RAB31: variants seen among roughly 807,000 people sequenced by gnomAD.
RAB31 encodes RAB31, member RAS oncogene family.
A neutral mutation model predicts 25.6 loss-of-function variants in RAB31; 21 were observed. The ratio of observed to expected loss-of-function variants is 0.82; its 90% confidence interval spans 0.58 to 1.18. The LOEUF (loss-of-function observed/expected upper bound fraction) is 1.18, where lower values mean the gene tolerates loss of function less well. Among genes scored for constraint, RAB31 ranks in the 50% most tolerant of loss-of-function variants. The pLI, the probability that RAB31 is intolerant of heterozygous loss-of-function variation, is 0.00. For missense variants in RAB31, 196 were observed against 250.1 expected, an observed-to-expected ratio of 0.78 and a Z score of 1.46; for synonymous variants, 87 against 84.0, an observed-to-expected ratio of 1.04 and a Z score of -0.20.
At chr18:9,790,701 G>C (rs1189444752) in intron 2 of RAB31, among the ~76,000 whole-genome samples, 1 of 152,126 alleles carries the variant, frequency 6.6e-6, no homozygotes, top group African/African-American at 2.4e-5. Context: ...AAGCATTCAG[G>C]CCAGCTTGTC....
rs1306087067 is a variant in RAB31 at position 9,837,178 on chromosome 18, CATG to C, written c.381-8402_381-8400del. 2.6e-5 allele frequency among the ~76,000 whole-genome samples: 4 copies of C among 152,044 alleles called. No individual in the cohort carries two copies. The East Asian group carries it at 7.7e-4, about 29-fold the overall frequency. ...TCAGTATGTGAGGAACGGGGGAAAA[CATG>C]AGAAGTGTCAGTTTGAGGAACGGTG... On this transcript the variant is annotated intron_variant, in intron 5 of 6. Coordinates refer to ENST00000578921, the MANE Select transcript of RAB31 (RefSeq NM_006868.4).
intron 1 of RAB31, among the ~76,000 whole-genome samples, chr18:9,765,960 G>A (rs2068313889): frequency 6.6e-6 from 1 of 151,888 alleles, no homozygotes; most frequent in African/African-American, 2.4e-5. Context: ...AGGGGGTGGG[G>A]GAGAGTGGGT....
intron 3 of RAB31, among the ~76,000 whole-genome samples, chr18:9,798,823 C>T (rs1322533406): frequency 1.3e-5 from 2 of 151,812 alleles, no homozygotes; most frequent in African/African-American, 2.4e-5. Context: ...GACACAGTTG[C>T]TCACGCCTGT....
At chr18:9,741,163 G>A (rs146831064) in intron 1 of RAB31, among the ~76,000 whole-genome samples, 48 of 152,008 alleles carry the variant, frequency 3.2e-4, no homozygotes, top group Middle Eastern at 3.4e-3. Flanking sequence ...ATCACTTGAG[G>A]TCAGGAGTTC....
At chr18:9,730,490 G>T (rs542782445) in intron 1 of RAB31, among the ~76,000 whole-genome samples, 2 of 152,126 alleles carry the variant, frequency 1.3e-5, no homozygotes, top group South Asian at 4.1e-4. Context: ...GGGTCTCACC[G>T]TGTTAGCCAG....
At chr18:9,779,076 C>A (rs1339389766) in intron 2 of RAB31, among the ~76,000 whole-genome samples, 1 of 151,994 alleles carries the variant, frequency 6.6e-6, no homozygotes, top group South Asian at 2.1e-4. Flanking sequence ...CTGTCTTGAG[C>A]GTGGGAGAGG....
chr18:9,800,241 C>T (rs1256137565), intron 3 of RAB31, among the ~76,000 whole-genome samples: 5 of 152,158 alleles, frequency 3.3e-5, no homozygotes, highest in African/African-American at 9.7e-5. Flanking sequence ...CATCTGCCAG[C>T]GGCCCCTCCT....
chr18:9,718,194 C>A (rs572867065), intron 1 of RAB31, among the ~76,000 whole-genome samples: 2 of 151,826 alleles, frequency 1.3e-5, no homozygotes, highest in African/African-American at 4.8e-5. Flanking sequence ...TAAAGTTCAT[C>A]TCATGGCATC....
At chr18:9,835,970 G>A (rs948930378) in intron 5 of RAB31, among the ~76,000 whole-genome samples, 34 of 151,990 alleles carry the variant, frequency 2.2e-4, no homozygotes, top group Admixed American at 9.2e-4. Flanking sequence ...GTGAGAACGC[G>A]TCAGAGCACA....
intron 1 of RAB31, among the ~76,000 whole-genome samples, chr18:9,751,290 C>T (rs1009216482): frequency 1.3e-5 from 2 of 152,158 alleles, no homozygotes; most frequent in Admixed American, 6.5e-5. Context: ...ATCCTCCTGC[C>T]TCAGCCCTGC....
intron 3 of RAB31, among the ~76,000 whole-genome samples, chr18:9,811,333 CT>C (rs2068569532): frequency 6.6e-6 from 1 of 152,198 alleles, no homozygotes. Context: ...GGCCCACTTC[CT>C]TTCCACACTA....
chr18:9,787,246 C>T (rs556391926), intron 2 of RAB31: 1 of 219,198 alleles, frequency 4.6e-6, no homozygotes, highest in South Asian at 8.4e-5. Flanking sequence ...AGAAAGCACA[C>T]ATTAGGGAAA....
rs1027001843 is a variant in RAB31 at position 9,757,944 on chromosome 18, C to T, written c.40-17334C>T. 3 of 152,238 alleles carry T rather than the reference C, an allele frequency of 2.0e-5. 1 individual carries two copies. The South Asian group carries it at 6.2e-4, about 31-fold the overall frequency. 9.4% of individuals were successfully genotyped at this position (152,238 alleles called of 1,614,324 possible). The stretch of plus-strand genomic sequence containing the variant: ...TTCCTTGTGTAAGAGCATGTACTTA[C>T]CATAAATCTTGTCCTTAGGTCAAAA... On this transcript the variant is annotated intron_variant, in intron 1 of 6. Coordinates refer to ENST00000578921, the MANE Select transcript of RAB31 (RefSeq NM_006868.4).
At chr18:9,816,187 A>G in intron 5 of RAB31, 1 of 211,424 alleles carries the variant, frequency 4.7e-6, no homozygotes, top group South Asian at 9.3e-5. Context: ...TGCCTTTGTT[A>G]TGTCTGCCCT....
At chr18:9,845,752 G>A (rs2068758747) in intron 6 of RAB31, 61 bp downstream of exon 6, 18 of 1,481,428 alleles carry the variant, frequency 1.2e-5, no homozygotes, top group Non-Finnish European at 1.6e-5. Flanking sequence ...GGGAGTCAAA[G>A]GATAACATTT....
At position 9,833,952 on chromosome 18, in the gene RAB31, C is replaced by G. The variant is rs78326714; in HGVS notation, c.381-11630C>G. ...GACTTATAAGTAGGGTAAAGTCAAT[C>G]CCTTCATGCTTTTTATGAGACAGAT... On this transcript the variant is annotated intron_variant, in intron 5 of 6. Transcript: ENST00000578921. Among the ~76,000 whole-genome samples, 1,260 of 152,202 alleles carry G rather than the reference C, an allele frequency of 8.3e-3. 21 individuals are homozygous for G. The highest frequency in any genetic ancestry group is 0.029 in the African/African-American group (1,202 of 41,504).
At chr18:9,747,193 A>G (rs1309685679) in intron 1 of RAB31, among the ~76,000 whole-genome samples, 4 of 152,262 alleles carry the variant, frequency 2.6e-5, no homozygotes, top group African/African-American at 9.6e-5. Context: ...GTAAATGCAG[A>G]TTAAAACCAC....
intron 3 of RAB31, among the ~76,000 whole-genome samples, chr18:9,803,464 CTG>C (rs1276595897): frequency 6.6e-6 from 1 of 152,100 alleles, no homozygotes; most frequent in African/African-American, 2.4e-5. Flanking sequence ...GCTGGGATGA[CTG>C]TGCTTTCTAC....
intron 1 of RAB31, among the ~76,000 whole-genome samples, chr18:9,748,603 T>TA (rs199538540): frequency 6.6e-6 from 1 of 151,466 alleles, no homozygotes; most frequent in Non-Finnish European, 1.5e-5. Context: ...TATTTAAAAA[T>TA]ATAAGGGGAC....
Sources: allele counts gnomAD v4.1 joint callset (sites outside exome capture counted in the v4.1 genomes callset), GRCh38; gene constraint gnomAD v4.1.1; transcripts MANE v1.5; gene names NCBI Gene and HGNC (gene_info 2026-07-23, HGNC 2026-07-21).